ARHGAP39: variants seen among roughly 807,000 people sequenced by gnomAD.
The protein encoded by ARHGAP39 is Rho GTPase activating protein 39, also known as rho GTPase-activating protein 39.
Under a neutral mutation model 106.9 loss-of-function variants are expected in ARHGAP39, and 44 were observed. The ratio of observed to expected loss-of-function variants is 0.41; its 90% CI spans 0.32 to 0.53. The LOEUF is 0.53. ARHGAP39 is among the 20% of genes least tolerant of loss of function. The probability of loss-of-function intolerance (pLI) is 0.21; values close to 1 mark genes in which losing one functional copy is unlikely to be tolerated. For synonymous variants in ARHGAP39, 768 were observed against 693.2 expected (o/e 1.11, Z -1.69); for missense variants, 1,496 against 1,577.3 (o/e 0.95, Z 0.87).
the ARHGAP39 span, among the ~76,000 whole-genome samples, chr8:144,695,424 C>A: frequency 6.8e-6 from 1 of 147,436 alleles, no homozygotes; most frequent in Non-Finnish European, 1.5e-5. Context: ...TCACCACGAC[C>A]CTGTTTCATT....
chr8:144,671,253 C>G lies in ARHGAP39; in HGVS notation c.-82+14433G>C, dbSNP rs188783687. Among the ~76,000 whole-genome samples the G allele has an allele frequency of 8.9e-4, 135 of 152,362 alleles. No homozygotes were observed. The highest frequency in any genetic ancestry group is 6.8e-3 in the Middle Eastern group (2 of 294). On this transcript the variant is annotated intron_variant, in intron 1 of 11. Transcript: ENST00000377307. This position sits in a 1 kb window ranked among gnomAD's most constrained non-coding sequence, Gnocchi z 4.5. The stretch of plus-strand genomic sequence containing the variant: ...CCAGGGGCACAGGGTCACCAACAGG[C>G]AGATTCTGCAAATGACTTACCATTT...
Position 144,605,434 on chromosome 8 carries a change from C to A in ARHGAP39, c.80+101G>T, listed in dbSNP as rs935022873. ...GAACAGCCAGCGACGAATCCATTCT[C>A]CACGGAGAATCCTGCATGCACACTG... On this transcript the variant is annotated intron_variant, in intron 2 of 11. Transcript: ENST00000377307. The A allele has an allele frequency of 2.4e-6, 3 of 1,275,776 alleles. No individual in the cohort carries two copies. The Admixed American group carries it at 5.6e-5, about 24-fold the overall frequency. 79.0% of individuals were successfully genotyped at this position (1,275,776 alleles called of 1,614,324 possible).
At chr8:144,601,998 CCT>C (rs1819996468) in intron 2 of ARHGAP39, among the ~76,000 whole-genome samples, 1 of 112,572 alleles carries the variant, frequency 8.9e-6, no homozygotes, top group Non-Finnish European at 1.8e-5. Flanking sequence ...AGCTCATGTA[CCT>C]GTGTGTGTGC....
rs535988700 is a variant in ARHGAP39, at chr8:144,638,445, T to G, written c.-81-32750A>C. 1.4e-4 allele frequency among the ~76,000 whole-genome samples: 22 copies of G among 152,376 alleles called. No individual in the cohort carries two copies. In the East Asian group the frequency reaches 1.5e-3, roughly 11 times the overall value. On this transcript the variant is annotated intron_variant, in intron 1 of 11. Transcript: ENST00000377307. ...CCAACGGCTCTTCAAATACTGCCTC[T>G]TCTCCATTCTATTTTCCCCTTCTGG...
intron 1 of ARHGAP39, among the ~76,000 whole-genome samples, chr8:144,638,388 A>G (rs1047560431): frequency 1.2e-4 from 18 of 152,228 alleles, no homozygotes; most frequent in Non-Finnish European, 1.6e-4. Context: ...CTAGGGACTC[A>G]AATCTTTCAT....
chr8:144,649,907 A>G (rs2129643742), intron 1 of ARHGAP39, among the ~76,000 whole-genome samples: 1 of 152,200 alleles, frequency 6.6e-6, no homozygotes, highest in Admixed American at 6.5e-5. Context: ...CACTTTGGAA[A>G]GCCAAGGTAG....
chr8:144,667,671 G>A (rs1344368725), intron 1 of ARHGAP39, among the ~76,000 whole-genome samples: 1 of 152,228 alleles, frequency 6.6e-6, no homozygotes, highest in African/African-American at 2.4e-5. Context: ...GGAAAGTTCA[G>A]GAGTCATGGC....
intron 1 of ARHGAP39, among the ~76,000 whole-genome samples, chr8:144,614,326 G>A (rs909859957): frequency 3.3e-5 from 5 of 151,636 alleles, no homozygotes. Flanking sequence ...CTCTTGGAAA[G>A]CTGCATATTT....
At chr8:144,685,331 C>T (rs1822557357) in intron 1 of ARHGAP39, among the ~76,000 whole-genome samples, 1 of 151,610 alleles carries the variant, frequency 6.6e-6, no homozygotes, top group Non-Finnish European at 1.5e-5. Context: ...AGGGCAGGGA[C>T]ACAACTCACT....
chr8:144,552,380 C>T (rs1006446373), intron 4 of ARHGAP39, among the ~76,000 whole-genome samples: 3 of 152,260 alleles, frequency 2.0e-5, no homozygotes, highest in African/African-American at 2.4e-5. Context: ...CTGGGAGAAG[C>T]GCGCGGCGGC....
chr8:144,620,538 A>G lies in ARHGAP39; in HGVS notation c.-81-14843T>C, dbSNP rs370276732. On this transcript the variant is annotated intron_variant, in intron 1 of 11. Coordinates refer to ENST00000377307, the MANE Select transcript of ARHGAP39 (RefSeq NM_025251.3). ...GCCCGTGTGAGCCTGTGTCCCTGAG[A>G]GCATATATGCCCGTGTGCGTGAGCT... is the stretch of plus-strand genomic sequence containing the variant. Among the ~76,000 whole-genome samples, 928 of 148,380 alleles carry G rather than the reference A, an allele frequency of 6.3e-3. 49 individuals carry two copies. The highest frequency in any genetic ancestry group is 0.018 in the African/African-American group (689 of 38,214).
intron 4 of ARHGAP39, among the ~76,000 whole-genome samples, chr8:144,551,878 G>A (rs1267357038): frequency 6.6e-6 from 1 of 152,164 alleles, no homozygotes; most frequent in Non-Finnish European, 1.5e-5. Flanking sequence ...TCCCCGATGG[G>A]CCTTCATAGC....
rs1241908181 is a variant in ARHGAP39 at position 144,534,168 on chromosome 8, G to A, written c.2649C>T (p.Tyr883=). 1.9e-6 allele frequency: 3 copies of A among 1,613,488 alleles called. No homozygotes were observed. Among genetic ancestry groups the A allele is most frequent in the East Asian group, 2.2e-5 (1 of 44,868 alleles). ...TCAGGGCTGCCTTCTGTAGCTTGTG[G>A]TAACAGTACTTGGCATACGTGCTTA... ...VAISTYAKYC[Y]HKLQKAALTG... The change falls in exon 8 of 12, where the codon TAC becomes TAT. Residue 883 remains tyrosine, a synonymous_variant. Coordinates refer to ENST00000377307, the MANE Select transcript of ARHGAP39 (RefSeq NM_025251.3).
chr8:144,624,502 G>A (rs1169559485), intron 1 of ARHGAP39, among the ~76,000 whole-genome samples: 2 of 152,208 alleles, frequency 1.3e-5, no homozygotes, highest in South Asian at 2.1e-4. Context: ...CCTCTAACCC[G>A]CACATCTGCA....
At chr8:144,545,915 G>T in intron 5 of ARHGAP39, 105 bp from the exon 6 acceptor site, 1 of 1,015,438 alleles carries the variant, frequency 9.8e-7, no homozygotes, top group African/African-American at 1.6e-5. Context: ...CCCCACCAGA[G>T]CCAGCCAGGT....
chr8:144,697,145 T>C, the ARHGAP39 span, among the ~76,000 whole-genome samples: 1 of 151,964 alleles, frequency 6.6e-6, no homozygotes, highest in African/African-American at 2.4e-5. Flanking sequence ...ACCAACATAG[T>C]GAAACCCCAT....
At chr8:144,694,744 TATG>T in the ARHGAP39 span, among the ~76,000 whole-genome samples, 4 of 152,192 alleles carry the variant, frequency 2.6e-5, no homozygotes, top group Non-Finnish European at 5.9e-5. Context: ...GCTGGAATCT[TATG>T]ATAACATTTC....
chr8:144,545,100 CA>C, intron 6 of ARHGAP39, 148 bp downstream of exon 6: 1 of 693,106 alleles, frequency 1.4e-6, no homozygotes. Flanking sequence ...AGCAGAGGCC[CA>C]GAGTGTGGGG....
chr8:144,537,641 G>A, intron 7 of ARHGAP39, 80 bp downstream of exon 7: 2 of 1,223,008 alleles, frequency 1.6e-6, no homozygotes, highest in Non-Finnish European at 2.4e-6. Context: ...AGCGGTTAGA[G>A]AAGAGAAGGC....
Sources: allele counts gnomAD v4.1 joint callset (sites outside exome capture counted in the v4.1 genomes callset), GRCh38; gene constraint gnomAD v4.1.1; non-coding constraint Gnocchi (gnomAD v3.1); transcripts MANE v1.5; gene names NCBI Gene and HGNC (gene_info 2026-07-23, HGNC 2026-07-21).